The following SMYD3 variants were observed in gnomAD, a reference collection of about 807,000 sequenced individuals.
The protein encoded by SMYD3 is histone-lysine N-methyltransferase SMYD3.
Under a neutral mutation model 57.7 loss-of-function variants are expected in SMYD3, and 36 were observed. The ratio of observed to expected loss-of-function variants is 0.62; its 90% CI spans 0.48 to 0.82. The LOEUF is 0.82. Among genes scored for constraint, SMYD3 ranks in the 40% least tolerant of loss-of-function variants. The pLI is 0.00. For missense variants in SMYD3, 515 were observed against 538.8 expected, an observed-to-expected ratio of 0.96 and a Z score of 0.44; for synonymous variants, 211 against 195.0, an observed-to-expected ratio of 1.08 and a Z score of -0.68.
At chr1:246,059,019 C>T (rs1358083376) in intron 5 of SMYD3, among the ~76,000 whole-genome samples, 7 of 152,018 alleles carry the variant, frequency 4.6e-5, no homozygotes, top group South Asian at 2.1e-4. Context: ...GAACTGCAGG[C>T]GTCCGCCACC....
chr1:245,756,029 C>T (rs1389452925), intron 11 of SMYD3, among the ~76,000 whole-genome samples: 3 of 149,912 alleles, frequency 2.0e-5, no homozygotes, highest in Non-Finnish European at 4.4e-5. Context: ...TTTAGAATTT[C>T]ATTCTCTAGT....
At chr1:246,442,308 G>A (rs547764382) in intron 1 of SMYD3, among the ~76,000 whole-genome samples, 22 of 152,288 alleles carry the variant, frequency 1.4e-4, no homozygotes, top group African/African-American at 5.1e-4. Flanking sequence ...TGTAATCCCA[G>A]CACTTTGGGA....
At chr1:246,130,573 T>G (rs2061572486) in intron 5 of SMYD3, among the ~76,000 whole-genome samples, 1 of 152,176 alleles carries the variant, frequency 6.6e-6, no homozygotes, top group Non-Finnish European at 1.5e-5. Flanking sequence ...ATTTTTGTTT[T>G]CAAAAATCCA....
At chr1:245,878,721 A>C (rs1050555570) in intron 8 of SMYD3, among the ~76,000 whole-genome samples, 1 of 152,176 alleles carries the variant, frequency 6.6e-6, no homozygotes, top group Non-Finnish European at 1.5e-5. Flanking sequence ...CAGCCCCAGC[A>C]CCTGTCTGCA....
chr1:246,248,631 C>CTTGTTTTTTTTTTTTTTTTTTTTTTTTTT (rs1309872022), intron 5 of SMYD3, among the ~76,000 whole-genome samples: 2 of 119,270 alleles, frequency 1.7e-5, no homozygotes, highest in African/African-American at 3.4e-5. Context: ...AGCTCTCTGA[C>CTTGTTTTTTTTTTTTTTTTTTTTTTTTTT]TTTCCTTTTT....
At chr1:246,224,533 G>A (rs1052071481) in intron 5 of SMYD3, among the ~76,000 whole-genome samples, 2 of 151,902 alleles carry the variant, frequency 1.3e-5, no homozygotes, top group African/African-American at 2.4e-5. Flanking sequence ...AATGGAAGTC[G>A]ATGGAAGGTT....
At chr1:246,174,126 A>G (rs969285896) in intron 5 of SMYD3, among the ~76,000 whole-genome samples, 15 of 151,978 alleles carry the variant, frequency 9.9e-5, no homozygotes, top group African/African-American at 3.1e-4. Context: ...ATTTTTTTTA[A>G]TAAGTAGAAG....
chr1:246,230,136 G>C (rs368345306), intron 5 of SMYD3, among the ~76,000 whole-genome samples: 17 of 152,190 alleles, frequency 1.1e-4, no homozygotes, highest in East Asian at 7.7e-4. Context: ...GAACTTTTAG[G>C]AACCATGACT....
intron 11 of SMYD3, among the ~76,000 whole-genome samples, chr1:245,750,538 G>C (rs955029474): frequency 1.3e-5 from 2 of 152,162 alleles, no homozygotes; most frequent in African/African-American, 4.8e-5. Flanking sequence ...TTGTAGAAAA[G>C]AAGAAAGCCA....
chr1:245,833,073 A>AAAAAAAAAAAAC, intron 10 of SMYD3, among the ~76,000 whole-genome samples: 9 of 128,664 alleles, frequency 7.0e-5, no homozygotes, highest in African/African-American at 1.5e-4. Context: ...AAAAAAAAAA[A>AAAAAAAAAAAAC]AACCTGCTTT....
At chr1:245,829,023 C>T (rs2148373451) in intron 10 of SMYD3, among the ~76,000 whole-genome samples, 1 of 151,120 alleles carries the variant, frequency 6.6e-6, no homozygotes, top group Non-Finnish European at 1.5e-5. Context: ...ATTCTACTTA[C>T]TAACTCACAC....
At chr1:246,487,102 C>T (rs1215137754) in intron 1 of SMYD3, among the ~76,000 whole-genome samples, 1 of 152,140 alleles carries the variant, frequency 6.6e-6, no homozygotes, top group Non-Finnish European at 1.5e-5. Context: ...ATACCTGCAT[C>T]CAAGAGCTTC....
At chr1:245,956,111 T>A in intron 5 of SMYD3, 1 of 964,162 alleles carries the variant, frequency 1.0e-6, no homozygotes, top group African/African-American at 1.8e-5. Context: ...AGAGATGGGG[T>A]CTCATTTTGT....
Position 246,403,340 on chromosome 1 carries a change from A to T in SMYD3, c.165-48246T>A, listed in dbSNP as rs977173591. Among the ~76,000 whole-genome samples the T allele has an allele frequency of 5.3e-5, 8 of 152,132 alleles. 1 individual carries two copies. The highest frequency in any genetic ancestry group is 1.4e-4 in the African/African-American group (6 of 41,422). On this transcript the variant is annotated intron_variant, in intron 1 of 11. Coordinates refer to ENST00000490107, the MANE Select transcript of SMYD3 (RefSeq NM_001167740.2). ...AAGGCCCTGTGTCTTAAAAAAAAAA[A>T]AAATTTAATTAGCCAGAAATGATGG...
chr1:246,168,465 A>T (rs1182226559), intron 5 of SMYD3, among the ~76,000 whole-genome samples: 2 of 152,222 alleles, frequency 1.3e-5, no homozygotes, highest in Non-Finnish European at 2.9e-5. Flanking sequence ...TAGGAAAGGC[A>T]TTCTTCTACT....
At chr1:245,784,814 C>T (rs1347341812) in intron 10 of SMYD3, among the ~76,000 whole-genome samples, 1 of 151,368 alleles carries the variant, frequency 6.6e-6, no homozygotes, top group African/African-American at 2.4e-5. Context: ...TAGGGAAAAC[C>T]AGATTCAAGG....
At chr1:246,373,040 C>G (rs1275620236) in intron 1 of SMYD3, among the ~76,000 whole-genome samples, 1 of 151,756 alleles carries the variant, frequency 6.6e-6, no homozygotes, top group Non-Finnish European at 1.5e-5. Context: ...TAAAAGCTAC[C>G]TAGAATGTCA....
At chr1:245,943,334 C>T (rs981231250) in intron 5 of SMYD3, among the ~76,000 whole-genome samples, 1 of 151,518 alleles carries the variant, frequency 6.6e-6, no homozygotes, top group Non-Finnish European at 1.5e-5. Context: ...GATATACAAC[C>T]AACCATCAGA....
chr1:246,063,109 T>A (rs569971827), intron 5 of SMYD3, among the ~76,000 whole-genome samples: 33 of 152,234 alleles, frequency 2.2e-4, no homozygotes, highest in African/African-American at 7.9e-4. Context: ...CGGCACACAG[T>A]CGTACTCACA....
Sources: gnomAD v4.1 joint callset for allele counts (sites outside exome capture counted in the v4.1 genomes callset) on GRCh38, gnomAD v4.1.1 for gene constraint, MANE v1.5 for transcripts, NCBI Gene and HGNC (gene_info 2026-07-23, HGNC 2026-07-21) for gene names.